The following FSTL5 variants were observed in gnomAD, a reference collection of about 807,000 sequenced individuals.
The protein encoded by FSTL5 is follistatin-related protein 5.
In FSTL5, 62 loss-of-function variants were observed where a neutral mutation model predicts 89.1. The ratio of observed to expected loss-of-function variants is 0.70; its 90% CI spans 0.57 to 0.86. FSTL5 has a LOEUF of 0.86. FSTL5 is among the 40% of genes least tolerant of loss of function. The pLI, the probability that FSTL5 is intolerant of heterozygous loss-of-function variation, is 0.00. For synonymous variants in FSTL5, 383 were observed against 346.2 expected, an observed-to-expected ratio of 1.11 and a Z score of -1.18; for missense variants, 1,057 against 1,001.6, an observed-to-expected ratio of 1.06 and a Z score of -0.75.
At chr4:161,414,930 T>G (rs1437009060) in intron 15 of FSTL5, among the ~76,000 whole-genome samples, 2 of 152,210 alleles carry the variant, frequency 1.3e-5, no homozygotes, top group Non-Finnish European at 2.9e-5. Flanking sequence ...TGAACTTTAC[T>G]GCTTTTCTTT....
chr4:161,636,478 A>G (rs910929909), intron 7 of FSTL5, among the ~76,000 whole-genome samples: 1 of 62,254 alleles, frequency 1.6e-5, no homozygotes, highest in Non-Finnish European at 3.4e-5. Context: ...TTTTTTTATT[A>G]TACTTTAAGT....
chr4:161,937,167 G>A (rs945654488), intron 3 of FSTL5, among the ~76,000 whole-genome samples: 183 of 152,062 alleles, frequency 1.2e-3, no homozygotes, highest in African/African-American at 4.0e-3. Context: ...AACAAAACCT[G>A]TAATTTATAT....
intron 3 of FSTL5, among the ~76,000 whole-genome samples, chr4:162,000,127 G>C (rs1415985568): frequency 6.6e-6 from 1 of 152,180 alleles, no homozygotes; most frequent in Non-Finnish European, 1.5e-5. Flanking sequence ...CAAAAACTCT[G>C]TGCTTACACT....
chr4:162,105,917 G>C (rs1277210112), intron 2 of FSTL5, among the ~76,000 whole-genome samples: 1 of 152,074 alleles, frequency 6.6e-6, no homozygotes, highest in African/African-American at 2.4e-5. Flanking sequence ...AGGAAATAAT[G>C]CTCCTGGGTC....
chr4:161,865,986 C>A (rs946357020), intron 4 of FSTL5, among the ~76,000 whole-genome samples: 2 of 152,106 alleles, frequency 1.3e-5, no homozygotes. Flanking sequence ...AAAGAGGGGG[C>A]AGAACTGCTC....
intron 8 of FSTL5, among the ~76,000 whole-genome samples, chr4:161,566,851 T>A (rs1194660203): frequency 6.6e-6 from 1 of 152,130 alleles, no homozygotes; most frequent in Admixed American, 6.6e-5. Flanking sequence ...AGGTATAGCA[T>A]GTGAAAATGT....
chr4:162,110,614 A>T (rs1321283686), intron 2 of FSTL5, among the ~76,000 whole-genome samples: 3 of 151,720 alleles, frequency 2.0e-5, no homozygotes, highest in African/African-American at 7.2e-5. Flanking sequence ...ATTTTATGTG[A>T]TTTAATAAAA....
chr4:161,591,948 T>A (rs1733837617), intron 7 of FSTL5, among the ~76,000 whole-genome samples: 1 of 152,234 alleles, frequency 6.6e-6, no homozygotes, highest in East Asian at 1.9e-4. Context: ...CTCCAGAGTC[T>A]GTGTTTCATG....
chr4:161,980,263 AAGAAAG>A (rs1228176173), intron 3 of FSTL5, among the ~76,000 whole-genome samples: 2 of 378 alleles, frequency 5.3e-3, no homozygotes, highest in Non-Finnish European at 0.053. Context: ...AGAAAGAAAA[AAGAAAG>A]AAAGAAAGAA....
chr4:162,130,266 A>G (rs72986912), intron 1 of FSTL5, among the ~76,000 whole-genome samples: 359 of 152,332 alleles, frequency 2.4e-3, no homozygotes, highest in African/African-American at 8.0e-3. Context: ...TTAGTAATAC[A>G]GTGTTAAATG....
At chr4:161,762,767 G>A (rs1417028439) in intron 5 of FSTL5, among the ~76,000 whole-genome samples, 2 of 152,198 alleles carry the variant, frequency 1.3e-5, no homozygotes, top group African/African-American at 4.8e-5. Flanking sequence ...AACTCCTCAA[G>A]GAGTCTGGTA....
At chr4:161,424,370 G>A (rs1238660312) in intron 15 of FSTL5, among the ~76,000 whole-genome samples, 1 of 150,380 alleles carries the variant, frequency 6.6e-6, no homozygotes, top group Non-Finnish European at 1.5e-5. Flanking sequence ...GGAACATAGG[G>A]CATAGTGTTA....
chr4:162,032,562 G>C (rs535642218), intron 3 of FSTL5: 2 of 152,216 alleles, frequency 1.3e-5, no homozygotes, highest in South Asian at 2.1e-4. Flanking sequence ...AAATGCATGT[G>C]TTTTTTATTC....
intron 4 of FSTL5, among the ~76,000 whole-genome samples, chr4:161,834,270 C>T (rs1186355372): frequency 1.3e-5 from 2 of 152,078 alleles, no homozygotes; most frequent in Admixed American, 6.6e-5. Context: ...GCTAAAAACT[C>T]TCAATAAATT....
intron 7 of FSTL5, among the ~76,000 whole-genome samples, chr4:161,639,733 T>C (rs1735879010): frequency 6.6e-6 from 1 of 152,140 alleles, no homozygotes; most frequent in South Asian, 2.1e-4. Flanking sequence ...CAGCTGAACA[T>C]TTCTACTACA....
chr4:161,776,588 A>G (rs1235746531), intron 4 of FSTL5, among the ~76,000 whole-genome samples: 1 of 149,682 alleles, frequency 6.7e-6, no homozygotes, highest in Non-Finnish European at 1.5e-5. Flanking sequence ...ATTCCAAAAG[A>G]TGATACCACA....
rs1288781575 is a variant in FSTL5, at chr4:162,159,687, G to C, written c.-17+3928C>G. 3.3e-5 allele frequency among the ~76,000 whole-genome samples: 5 copies of C among 151,954 alleles called. No homozygotes were observed. The East Asian group carries it at 9.6e-4, about 29-fold the overall frequency. On this transcript the variant is annotated intron_variant, in intron 1 of 15. Transcript: ENST00000306100. ...TGCATGGCTTATTATCTGAAGATTT[G>C]TAGGAAGTAAACTTGATGTTTTACT...
intron 7 of FSTL5, among the ~76,000 whole-genome samples, chr4:161,599,242 A>G (rs1734143126): frequency 6.6e-6 from 1 of 152,126 alleles, no homozygotes; most frequent in Admixed American, 6.6e-5. Context: ...TTACTGCAAC[A>G]ACGAAGAAAC....
At chr4:161,945,215 A>G (rs1225945420) in intron 3 of FSTL5, among the ~76,000 whole-genome samples, 2 of 152,184 alleles carry the variant, frequency 1.3e-5, no homozygotes, top group African/African-American at 4.8e-5. Flanking sequence ...TACTACTTAT[A>G]CTAAATTTCA....
Sources: gnomAD v4.1 joint callset for allele counts (sites outside exome capture counted in the v4.1 genomes callset) on GRCh38, gnomAD v4.1.1 for gene constraint, MANE v1.5 for transcripts, NCBI Gene and HGNC (gene_info 2026-07-23, HGNC 2026-07-21) for gene names.